ZZEF1: variants seen among roughly 807,000 people sequenced by gnomAD.
ZZEF1 encodes the protein zinc finger ZZ-type and EF-hand domain containing 1.
Under a neutral mutation model 342.8 loss-of-function variants are expected in ZZEF1, and 157 were observed. That is an observed-to-expected ratio of 0.46 (90% CI 0.40 to 0.52). The LOEUF is 0.52. Among genes scored for constraint, ZZEF1 ranks in the 20% least tolerant of loss-of-function variants. The probability of loss-of-function intolerance (pLI) is 0.00; values close to 1 mark genes in which losing one functional copy is unlikely to be tolerated. For synonymous variants in ZZEF1, 1,505 were observed against 1,429.1 expected, an observed-to-expected ratio of 1.05 and a Z score of -1.20; for missense variants, 3,480 against 3,725.6, an observed-to-expected ratio of 0.93 and a Z score of 1.72.
intron 32 of ZZEF1, chr17:4,056,811 G>A (rs575641273): frequency 6.6e-6 from 1 of 152,256 alleles, no homozygotes; most frequent in South Asian, 2.1e-4. Flanking sequence ...ACATGACTCA[G>A]CCCTGGTCCT....
At chr17:4,134,580 G>A (rs997436924) in intron 1 of ZZEF1, among the ~76,000 whole-genome samples, 4 of 152,002 alleles carry the variant, frequency 2.6e-5, no homozygotes, top group Non-Finnish European at 5.9e-5. Context: ...GTGAGCACCA[G>A]GCAGAGTTCT....
chr17:4,128,076 T>C (rs1383426980), intron 1 of ZZEF1, among the ~76,000 whole-genome samples: 1 of 152,008 alleles, frequency 6.6e-6, no homozygotes, highest in Non-Finnish European at 1.5e-5. Flanking sequence ...CCAGATGCGG[T>C]GGCTCACGTC....
intron 2 of ZZEF1, among the ~76,000 whole-genome samples, chr17:4,122,106 C>A (rs1463452383): frequency 5.3e-5 from 8 of 152,118 alleles, no homozygotes; most frequent in Admixed American, 3.9e-4. Context: ...GGGTCAAGAG[C>A]AATCAGATTT....
intron 43 of ZZEF1, among the ~76,000 whole-genome samples, chr17:4,023,065 C>A (rs2056310882): frequency 6.6e-6 from 1 of 152,164 alleles, no homozygotes; most frequent in African/African-American, 2.4e-5. Context: ...AAGGTCCCTG[C>A]CTGCTTCTCC....
chr17:4,122,504 C>G (rs544157074), intron 2 of ZZEF1, among the ~76,000 whole-genome samples: 5 of 151,976 alleles, frequency 3.3e-5, no homozygotes, highest in Non-Finnish European at 5.9e-5. Context: ...CTTAGCCTCC[C>G]GAATAGCTGG....
Position 4,004,639 on chromosome 17 carries a change from C to T in ZZEF1, c.*2251G>A, listed in dbSNP as rs1218499269. 6.6e-6 allele frequency: 1 copy of T among 152,536 alleles called. No homozygotes were observed. The highest frequency in any genetic ancestry group is 1.5e-5 in the Non-Finnish European group (1 of 68,050). The allele number at this position is 152,536 out of a possible 1,614,324, so 9.4% of individuals were successfully genotyped here. A position where few individuals can be genotyped will look rare whatever the true frequency, so the allele number is the denominator to read the frequency against. ...ACGGTGATGAAAATACGTCACTCCT[C>T]TCGTTAGGAACAGTGTCTGTTTGTA... is the stretch of plus-strand genomic sequence containing the variant. On this transcript the variant is annotated 3_prime_UTR_variant, in exon 55 of 55. Transcript: ENST00000381638.
intron 37 of ZZEF1, among the ~76,000 whole-genome samples, chr17:4,048,290 C>T (rs1320030834): frequency 6.6e-6 from 1 of 152,188 alleles, no homozygotes; most frequent in African/African-American, 2.4e-5. Context: ...TACTGACTCT[C>T]TGGCTGAATG....
chr17:4,021,129 C>T lies in ZZEF1; in HGVS notation c.7404G>A (p.Leu2468=). The T allele has an allele frequency of 6.2e-7, 1 of 1,609,186 alleles. No individual in the cohort carries two copies. Among genetic ancestry groups the T allele is most frequent in the Non-Finnish European group, 8.5e-7 (1 of 1,177,580 alleles). ...GCCACAAGATGACTCAAGAACACAC[C>T]AAGAAACATATTCTGGTGGGCTCAT... is the stretch of plus-strand genomic sequence containing the variant. The part of the protein sequence containing the change: ...GLDEPTRICF[L]MAHDALNAPL... Residue 2468 remains leucine, a splice_region_variant and synonymous_variant, in exon 45 of 55, where the codon TTG becomes TTA. Transcript: ENST00000381638.
intron 1 of ZZEF1, among the ~76,000 whole-genome samples, chr17:4,135,996 C>CTT (rs59632245): frequency 0.073 from 9,206 of 125,450 alleles, 634 homozygotes; most frequent in Non-Finnish European, 0.11. Flanking sequence ...GATATTTTCT[C>CTT]TTTTTTTTTT....
intron 52 of ZZEF1, among the ~76,000 whole-genome samples, chr17:4,011,053 G>A (rs545614652): frequency 4.4e-4 from 66 of 151,462 alleles, no homozygotes; most frequent in Admixed American, 9.2e-4. Flanking sequence ...GTGCCACACT[G>A]CACTCTAGCC....
intron 14 of ZZEF1, 141 bp from the exon 15 acceptor site, chr17:4,086,796 G>T: frequency 2.6e-6 from 2 of 756,118 alleles, no homozygotes; most frequent in East Asian, 5.4e-5. Context: ...CTGAGAGGAA[G>T]AAGGGTGGAC....
chr17:4,047,339 A>G (rs1271858334), intron 37 of ZZEF1, among the ~76,000 whole-genome samples: 1 of 152,334 alleles, frequency 6.6e-6, no homozygotes, highest in East Asian at 1.9e-4. Context: ...ACATGGGACA[A>G]TTTGAGCATC....
chr17:4,085,915 G>A, intron 15 of ZZEF1, 112 bp from the exon 16 acceptor site: 1 of 1,365,962 alleles, frequency 7.3e-7, no homozygotes, highest in African/African-American at 1.4e-5. Context: ...TAATACCAGA[G>A]TGAAGAAGTA....
intron 1 of ZZEF1, among the ~76,000 whole-genome samples, chr17:4,136,098 C>G (rs56665295): frequency 2.8e-5 from 4 of 143,052 alleles, no homozygotes; most frequent in Non-Finnish European, 6.0e-5. Flanking sequence ...TCAAGCGATT[C>G]TCCTGCCTCA....
At chr17:4,087,193 C>T (rs1435146774) in intron 14 of ZZEF1, among the ~76,000 whole-genome samples, 1 of 152,182 alleles carries the variant, frequency 6.6e-6, no homozygotes, top group East Asian at 1.9e-4. Flanking sequence ...AAGTTCATTT[C>T]TGATCCTACT....
At chr17:4,075,223 C>T in intron 22 of ZZEF1, 40 bp downstream of exon 22, 1 of 1,613,664 alleles carries the variant, frequency 6.2e-7, no homozygotes, top group Non-Finnish European at 8.5e-7. Context: ...TCATTGCTGA[C>T]CTATTAGCGC....
Position 4,006,766 on chromosome 17 carries a change from C to T in ZZEF1, c.*124G>A, listed in dbSNP as rs1417659357. The T allele has an allele frequency of 2.0e-6, 2 of 1,011,434 alleles. No individual in the cohort carries two copies. The highest frequency in any genetic ancestry group is 1.6e-5 in the African/African-American group (1 of 62,682). The allele number at this position is 1,011,434 out of a possible 1,614,324, so 62.7% of individuals were successfully genotyped here. On this transcript the variant is annotated 3_prime_UTR_variant, in exon 55 of 55. Coordinates refer to ENST00000381638, the MANE Select transcript of ZZEF1 (RefSeq NM_015113.4). Reference sequence around the variant, plus strand: ...GAGACGTGGCTGCTTGGCATCCTAACTGGAGTGGTCAGCTCAAGGAGAGCT... The same window carrying T: ...GAGACGTGGCTGCTTGGCATCCTAATTGGAGTGGTCAGCTCAAGGAGAGCT...
chr17:4,142,471 C>T (rs2039257174), intron 1 of ZZEF1, 71 bp downstream of exon 1: 5 of 1,509,040 alleles, frequency 3.3e-6, no homozygotes, highest in African/African-American at 1.4e-5. Flanking sequence ...AAAGCAAATG[C>T]CCACCTCTTC....
chr17:4,121,703 A>G (rs1259741220), intron 2 of ZZEF1, among the ~76,000 whole-genome samples: 5 of 151,798 alleles, frequency 3.3e-5, no homozygotes, highest in African/African-American at 1.2e-4. Context: ...ATTAAAGACA[A>G]CCTGAAGGAG....
Sources: gnomAD v4.1 joint callset for allele counts (sites outside exome capture counted in the v4.1 genomes callset) on GRCh38, gnomAD v4.1.1 for gene constraint, MANE v1.5 for transcripts, NCBI Gene and HGNC (gene_info 2026-07-23, HGNC 2026-07-21) for gene names.